The following ARID1B variants were observed in gnomAD, a reference collection of about 807,000 sequenced individuals.
The protein encoded by ARID1B is AT-rich interactive domain-containing protein 1B.
A neutral mutation model predicts 212.3 loss-of-function variants in ARID1B; 30 were observed. The observed-to-expected ratio is 0.14, with a 90% CI of 0.11 to 0.19. The LOEUF (loss-of-function observed/expected upper bound fraction) is 0.19. Among genes scored for constraint, ARID1B ranks in the 10% least tolerant of loss-of-function variants. The pLI is 1.00. For synonymous variants in ARID1B, 1,402 were observed against 1,301.7 expected, an observed-to-expected ratio of 1.08 and a Z score of -1.66; for missense variants, 2,891 against 3,204.0, an observed-to-expected ratio of 0.90 and a Z score of 2.36.
At chr6:157,173,659 A>G (rs1021713202) in intron 9 of ARID1B, 4 of 167,992 alleles carry the variant, frequency 2.4e-5, no homozygotes, top group Non-Finnish European at 3.8e-5. Context: ...TTTGCCTCCA[A>G]CTCCTGATTA....
chr6:156,844,514 AT>A (rs577187567), intron 2 of ARID1B, among the ~76,000 whole-genome samples: 1 of 152,216 alleles, frequency 6.6e-6, no homozygotes, highest in Non-Finnish European at 1.5e-5. Flanking sequence ...AAGAATTAAC[AT>A]TTTGCTTTGC....
intron 3 of ARID1B, among the ~76,000 whole-genome samples, chr6:156,915,577 TAAAA>T (rs111379557): frequency 7.3e-6 from 1 of 137,476 alleles, no homozygotes; most frequent in Non-Finnish European, 1.6e-5. Context: ...CAAAAAAAAT[TAAAA>T]AAAAAAAAAG....
intron 2 of ARID1B, among the ~76,000 whole-genome samples, chr6:156,865,965 C>G (rs897679729): frequency 1.3e-5 from 2 of 151,970 alleles, no homozygotes; most frequent in African/African-American, 4.8e-5. Flanking sequence ...TTGCCCTTTT[C>G]TGTTTGTTTT....
At chr6:157,176,925 A>G (rs1189457811) in intron 11 of ARID1B, among the ~76,000 whole-genome samples, 3 of 152,228 alleles carry the variant, frequency 2.0e-5, no homozygotes, top group Non-Finnish European at 4.4e-5. Flanking sequence ...AAAACTTTTC[A>G]TCTTGCTAAT....
intron 7 of ARID1B, among the ~76,000 whole-genome samples, chr6:157,136,889 A>G (rs1340287087): frequency 6.6e-6 from 1 of 151,654 alleles, no homozygotes; most frequent in East Asian, 1.9e-4. Context: ...CAACAAAAAT[A>G]CTAAAGAGAT....
intron 3 of ARID1B, among the ~76,000 whole-genome samples, chr6:156,921,219 A>G (rs565566722): frequency 1.3e-5 from 2 of 152,242 alleles, no homozygotes; most frequent in East Asian, 3.9e-4. Flanking sequence ...AGTGGGATGA[A>G]TATATAGCTT....
chr6:157,104,074 A>G (rs1786290223), intron 5 of ARID1B, among the ~76,000 whole-genome samples: 1 of 152,080 alleles, frequency 6.6e-6, no homozygotes, highest in South Asian at 2.1e-4. Context: ...TGACCTCGTG[A>G]TCCACCCGCC....
At chr6:157,182,973 C>T (rs1792673274) in intron 12 of ARID1B, among the ~76,000 whole-genome samples, 1 of 152,186 alleles carries the variant, frequency 6.6e-6, no homozygotes, top group South Asian at 2.1e-4. Flanking sequence ...TAGATAGTGT[C>T]TGGCTACTTC....
chr6:157,093,971 TAA>T (rs1267097360), intron 5 of ARID1B, among the ~76,000 whole-genome samples: 28 of 152,326 alleles, frequency 1.8e-4, no homozygotes, highest in African/African-American at 6.0e-4. Context: ...TCGTGAAACT[TAA>T]AGTCTAGTGG....
intron 1 of ARID1B, among the ~76,000 whole-genome samples, chr6:156,784,237 G>T (rs949214376): frequency 6.6e-6 from 1 of 152,032 alleles, no homozygotes; most frequent in African/African-American, 2.4e-5. Context: ...AAGTAGTGCC[G>T]CACGCTTGCT....
At chr6:156,805,723 T>G (rs574183295) in intron 1 of ARID1B, among the ~76,000 whole-genome samples, 1 of 152,292 alleles carries the variant, frequency 6.6e-6, no homozygotes, top group African/African-American at 2.4e-5. Flanking sequence ...TTAGAGACAG[T>G]GGAGTGCAGT....
intron 4 of ARID1B, among the ~76,000 whole-genome samples, chr6:157,042,021 A>G (rs1377602915): frequency 2.0e-5 from 3 of 152,062 alleles, no homozygotes; most frequent in Admixed American, 6.6e-5. Context: ...TTCACCTCCT[A>G]CAGGTCTGGC....
At chr6:157,132,127 A>T (rs1163491813) in intron 6 of ARID1B, among the ~76,000 whole-genome samples, 5 of 152,230 alleles carry the variant, frequency 3.3e-5, no homozygotes, top group Non-Finnish European at 5.9e-5. Context: ...TCGGTGGTAC[A>T]GCTGTGGTGT....
At position 156,857,395 on chromosome 6, in the gene ARID1B, A is replaced by G. The variant is rs192612021; in HGVS notation, c.1986+27974A>G. ...TGCCAGGCATACCCACTGAGAATGC[A>G]AGGACAGGTGGCTGTTAGAAGCAGA... On this transcript the variant is annotated intron_variant, in intron 2 of 19. Transcript: ENST00000636930. 3.1e-4 allele frequency among the ~76,000 whole-genome samples: 47 copies of G among 152,306 alleles called. No individual in the cohort carries two copies. The East Asian group carries it at 9.1e-3, about 29-fold the overall frequency.
chr6:156,794,467 T>C (rs1270289624), intron 1 of ARID1B, among the ~76,000 whole-genome samples: 1 of 151,764 alleles, frequency 6.6e-6, no homozygotes, highest in East Asian at 1.9e-4. Flanking sequence ...CCCAGGCTGG[T>C]CTCTTTACAT....
At chr6:157,015,661 C>T (rs897068190) in intron 4 of ARID1B, among the ~76,000 whole-genome samples, 3 of 152,188 alleles carry the variant, frequency 2.0e-5, no homozygotes, top group Admixed American at 6.5e-5. Flanking sequence ...ACTTCTGTAG[C>T]CTGTTTCTAT....
At chr6:156,830,708 G>A (rs1352229821) in intron 2 of ARID1B, among the ~76,000 whole-genome samples, 7 of 151,754 alleles carry the variant, frequency 4.6e-5, no homozygotes, top group African/African-American at 7.3e-5. Flanking sequence ...TGGGAGGATC[G>A]CTTGAGCCCA....
At chr6:157,097,749 C>T (rs993799637) in intron 5 of ARID1B, among the ~76,000 whole-genome samples, 2 of 152,218 alleles carry the variant, frequency 1.3e-5, no homozygotes, top group Non-Finnish European at 2.9e-5. Flanking sequence ...GCAGGCGCCT[C>T]AGCTAATCTT....
intron 4 of ARID1B, among the ~76,000 whole-genome samples, chr6:157,000,797 G>A (rs979730343): frequency 6.7e-6 from 1 of 148,626 alleles, no homozygotes; most frequent in African/African-American, 2.5e-5. Context: ...AGGTTCAAAC[G>A]ATTCTCGTGC....
Sources: allele counts gnomAD v4.1 joint callset (sites outside exome capture counted in the v4.1 genomes callset), GRCh38; gene constraint gnomAD v4.1.1; transcripts MANE v1.5; gene names NCBI Gene and HGNC (gene_info 2026-07-23, HGNC 2026-07-21).